The following KIAA1217 variants were observed in gnomAD, a reference collection of about 807,000 sequenced individuals.
KIAA1217 encodes KIAA1217.
In KIAA1217, 88 loss-of-function variants were observed where a neutral mutation model predicts 163.9. That is an observed-to-expected ratio of 0.54 (90% CI 0.45 to 0.64). The LOEUF is 0.64. KIAA1217 is among the 30% of genes least tolerant of loss of function. KIAA1217 has a pLI of 0.00. For synonymous variants in KIAA1217, 903 were observed against 923.1 expected (o/e 0.98, Z 0.39); for missense variants, 2,372 against 2,475.0 (o/e 0.96, Z 0.88).
intron 6 of KIAA1217, 56 bp from the exon 7 acceptor site, chr10:24,494,444 G>T: frequency 6.8e-7 from 1 of 1,461,362 alleles, no homozygotes; most frequent in South Asian, 1.1e-5. Context: ...CATTCACCCG[G>T]ACAAACTGGT....
rs140015868 is a variant in KIAA1217, at chr10:23,800,146, C to T, written c.-321+104912C>T. Among the ~76,000 whole-genome samples the T allele has an allele frequency of 2.1e-3, 313 of 152,244 alleles. 1 individual carries two copies. Among genetic ancestry groups the T allele is most frequent in the African/African-American group, 7.1e-3 (295 of 41,536 alleles). On this transcript the variant is annotated intron_variant, in intron 1 of 18. Transcript: ENST00000376462. The stretch of plus-strand genomic sequence containing the variant: ...AATGGAAGATCAAAATTCATTTAAA[C>T]AGGAGTGAGAACTGCCATAAAACAG...
chr10:23,713,016 G>A (rs1030483840), intron 1 of KIAA1217, among the ~76,000 whole-genome samples: 3 of 151,866 alleles, frequency 2.0e-5, no homozygotes, highest in Non-Finnish European at 4.4e-5. Flanking sequence ...TGGAGTCTCA[G>A]AGGGTGAAAG....
chr10:24,275,598 G>T (rs996498126), intron 2 of KIAA1217: 8 of 456,702 alleles, frequency 1.8e-5, no homozygotes, highest in African/African-American at 1.0e-4. Flanking sequence ...TACAGAATCT[G>T]CTAGTAATGA....
intron 1 of KIAA1217, among the ~76,000 whole-genome samples, chr10:23,862,691 A>C (rs927714350): frequency 6.6e-6 from 1 of 152,064 alleles, no homozygotes; most frequent in Non-Finnish European, 1.5e-5. Flanking sequence ...CAATGAGGAG[A>C]GTGGCAGACA....
At chr10:24,472,678 T>G (rs781681704) in intron 5 of KIAA1217, among the ~76,000 whole-genome samples, 2 of 152,236 alleles carry the variant, frequency 1.3e-5, no homozygotes, top group African/African-American at 4.8e-5. Context: ...TTCTTGTGGT[T>G]GCTGTAACAA....
intron 1 of KIAA1217, among the ~76,000 whole-genome samples, chr10:23,744,522 G>A (rs190694682): frequency 3.7e-4 from 57 of 152,190 alleles, no homozygotes; most frequent in African/African-American, 1.3e-3. Flanking sequence ...GTCGCATCCC[G>A]AGTGTATCAT....
At chr10:24,139,388 T>C (rs1264747140) in intron 2 of KIAA1217, among the ~76,000 whole-genome samples, 1 of 152,210 alleles carries the variant, frequency 6.6e-6, no homozygotes, top group Non-Finnish European at 1.5e-5. Flanking sequence ...TCATATATTG[T>C]AGATTCTGTT....
intron 1 of KIAA1217, among the ~76,000 whole-genome samples, chr10:23,731,054 A>G (rs1838446915): frequency 6.6e-6 from 1 of 152,162 alleles, no homozygotes; most frequent in Non-Finnish European, 1.5e-5. Context: ...AAGAGGGAAC[A>G]TGTCTTTTAT....
intron 2 of KIAA1217, among the ~76,000 whole-genome samples, chr10:24,264,839 TTCTC>T (rs2076083997): frequency 2.1e-5 from 3 of 144,212 alleles, no homozygotes; most frequent in Non-Finnish European, 4.6e-5. Flanking sequence ...CTTTCTCCCT[TTCTC>T]TCTTTCTCTG....
intron 2 of KIAA1217, among the ~76,000 whole-genome samples, chr10:24,169,373 A>C: frequency 2.0e-5 from 3 of 151,534 alleles, no homozygotes; most frequent in South Asian, 2.1e-4. Context: ...CTTACCCACA[A>C]TCACCCTCCC....
intron 1 of KIAA1217, among the ~76,000 whole-genome samples, chr10:23,748,726 T>A (rs1197781234): frequency 6.6e-6 from 1 of 152,072 alleles, no homozygotes; most frequent in East Asian, 1.9e-4. Context: ...AGGTAACGTT[T>A]CTTCTTCCTC....
chr10:23,988,272 G>T (rs757129483), intron 1 of KIAA1217, among the ~76,000 whole-genome samples: 1 of 152,200 alleles, frequency 6.6e-6, no homozygotes, highest in African/African-American at 2.4e-5. Context: ...GCGAGCAGGC[G>T]TCTGGGCTTT....
At chr10:24,149,282 CA>C (rs748802651) in intron 2 of KIAA1217, among the ~76,000 whole-genome samples, 112 of 152,222 alleles carry the variant, frequency 7.4e-4, no homozygotes, top group South Asian at 2.5e-3. Context: ...TGGGTTTAAG[CA>C]ATTCTCCTGC....
intron 10 of KIAA1217, among the ~76,000 whole-genome samples, chr10:24,516,171 C>T (rs562446805): frequency 6.6e-6 from 1 of 152,378 alleles, no homozygotes; most frequent in East Asian, 1.9e-4. Flanking sequence ...GATGGAAGGA[C>T]TTCCAGGCAG....
chr10:24,351,466 G>C (rs1235904299), intron 2 of KIAA1217, among the ~76,000 whole-genome samples: 2 of 152,088 alleles, frequency 1.3e-5, no homozygotes, highest in African/African-American at 4.8e-5. Context: ...AGTATGGGTG[G>C]ATATAGCTGT....
At chr10:23,829,189 G>A (rs2131034257) in intron 1 of KIAA1217, among the ~76,000 whole-genome samples, 1 of 152,282 alleles carries the variant, frequency 6.6e-6, no homozygotes, top group African/African-American at 2.4e-5. Flanking sequence ...GCTGTAGGAA[G>A]ATTATGATTC....
upstream of KIAA1217, among the ~76,000 whole-genome samples, chr10:24,205,357 C>A (rs1271203637): frequency 1.4e-5 from 2 of 144,904 alleles, no homozygotes; most frequent in Non-Finnish European, 3.0e-5. Flanking sequence ...TGCCTGTAAT[C>A]CCAGCTACTC....
chr10:24,544,418 A>G lies in KIAA1217; in HGVS notation c.5148A>G (p.Leu1716=), dbSNP rs376188619. Reference sequence around the variant, plus strand: ...AAGAGGCCTCTCCCCGACCCTTGCTAGTTCCGGATGAAGGTCCCACTGCCC... The same window carrying G: ...AAGAGGCCTCTCCCCGACCCTTGCTGGTTCCGGATGAAGGTCCCACTGCCC... ...IAQEASPRPL[L]VPDEGPTALE... Residue 1716 remains leucine, a synonymous_variant, in exon 19 of 21, where the codon CTA becomes CTG. Coordinates refer to ENST00000376454, the MANE Select transcript of KIAA1217 (RefSeq NM_019590.5). The G allele has an allele frequency of 6.3e-5, 102 of 1,613,982 alleles. No individual in the cohort carries two copies. Among genetic ancestry groups the G allele is most frequent in the Non-Finnish European group, 8.2e-5 (97 of 1,180,010 alleles).
At chr10:24,345,253 C>T (rs552226715) in intron 2 of KIAA1217, among the ~76,000 whole-genome samples, 3 of 152,198 alleles carry the variant, frequency 2.0e-5, no homozygotes, top group Non-Finnish European at 4.4e-5. Flanking sequence ...GCAGATGGCA[C>T]TTAGGGACAG....
Sources: allele counts gnomAD v4.1 joint callset (sites outside exome capture counted in the v4.1 genomes callset), GRCh38; gene constraint gnomAD v4.1.1; transcripts MANE v1.5; gene names NCBI Gene and HGNC (gene_info 2026-07-23, HGNC 2026-07-21).